Variants in C19orf81 observed in about 807,000 individuals in gnomAD.
C19orf81 encodes the protein putative uncharacterized protein C19orf81.
Under a neutral mutation model 22.1 loss-of-function variants are expected in C19orf81, and 19 were observed. The ratio of observed to expected loss-of-function variants is 0.86; its 90% CI spans 0.60 to 1.26. C19orf81 has a LOEUF of 1.26. C19orf81 is among the 50% of genes most tolerant of loss of function. C19orf81 has a pLI of 0.00. For synonymous variants in C19orf81, 108 were observed against 113.1 expected, an observed-to-expected ratio of 0.95 and a Z score of 0.29; for missense variants, 287 against 280.7, an observed-to-expected ratio of 1.02 and a Z score of -0.16.
In C19orf81 at chr19:50,658,965, G is replaced by A. The variant is rs763519826; in HGVS notation, c.420G>A (p.Thr140=). ...CTTACAGGTGGCTCATCGCGGTCACGGACTTCCAGACGCGCTCGCGCTTGC... is the reference window on the plus strand; with the variant it reads ...CTTACAGGTGGCTCATCGCGGTCACAGACTTCCAGACGCGCTCGCGCTTGC... ...GRRNRWLIAV[T]DFQTRSRLLR... is the part of the protein sequence containing the mutation. Residue 140 remains threonine, a synonymous_variant, in exon 5 of 5, where the codon ACG becomes ACA. Coordinates refer to ENST00000425202, the MANE Select transcript of C19orf81 (RefSeq NM_001195076.2). 14 of 1,498,000 alleles carry A rather than the reference G, an allele frequency of 9.3e-6. No individual in the cohort carries two copies. Among genetic ancestry groups the A allele is most frequent in the South Asian group, 2.5e-5 (2 of 80,478 alleles). 92.8% of individuals were successfully genotyped at this position (1,498,000 alleles called of 1,614,324 possible).
intron 1 of C19orf81, among the ~76,000 whole-genome samples, chr19:50,651,510 T>A (rs1351399066): frequency 1.3e-5 from 2 of 152,072 alleles, no homozygotes; most frequent in African/African-American, 4.8e-5. Context: ...CAGAGGTGTG[T>A]CTCATTCATC....
At chr19:50,650,055 A>C (rs1599826732) in intron 1 of C19orf81, among the ~76,000 whole-genome samples, 1 of 149,858 alleles carries the variant, frequency 6.7e-6, no homozygotes, top group South Asian at 2.1e-4. Context: ...CCCTCTCCTC[A>C]CCTCCTCCCT....
chr19:50,654,765 G>C (rs886437807), intron 1 of C19orf81, among the ~76,000 whole-genome samples: 1 of 152,126 alleles, frequency 6.6e-6, no homozygotes, highest in South Asian at 2.1e-4. Context: ...CAGTAGCTGG[G>C]ACTACAGGCA....
chr19:50,651,783 GTTAAT>G (rs1984883562), intron 1 of C19orf81, among the ~76,000 whole-genome samples: 1 of 151,420 alleles, frequency 6.6e-6, no homozygotes, highest in Non-Finnish European at 1.5e-5. Flanking sequence ...TTATGCTTAT[GTTAAT>G]TTAATTACAC....
chr19:50,658,958 C>T lies in C19orf81; in HGVS notation c.413C>T (p.Ala138Val). 1 of 1,489,816 alleles carries T rather than the reference C, an allele frequency of 6.7e-7. No homozygotes were observed. The highest frequency in any genetic ancestry group is 8.9e-7 in the Non-Finnish European group (1 of 1,118,642). 92.3% of individuals were successfully genotyped at this position (1,489,816 alleles called of 1,614,324 possible). A position where few individuals can be genotyped will look rare whatever the true frequency, so the allele number is the denominator to read the frequency against. Residue 138 changes from alanine to valine, a missense_variant, in exon 5 of 5, where the codon GCG becomes GTG. Transcript: ENST00000425202. ...CACCCCCCTTACAGGTGGCTCATCG[C>T]GGTCACGGACTTCCAGACGCGCTCG... ...TAGRRNRWLI[A>V]VTDFQTRSRL...
intron 3 of C19orf81, 69 bp from the exon 4 acceptor site, chr19:50,657,920 G>T (rs1985031396): frequency 1.0e-5 from 15 of 1,467,916 alleles, no homozygotes; most frequent in Non-Finnish European, 1.3e-5. Flanking sequence ...TGGGGTCTAG[G>T]GTGGTGACTT....
chr19:50,656,292 G>A lies in C19orf81; in HGVS notation c.207G>A (p.Arg69=). ...TGGACCGAGAACTCCCGTGCATCCG[G>A]AAGTTCCCCACACCACCAGCTTCCC... is the stretch of plus-strand genomic sequence containing the variant. ...EALDRELPCI[R]KFPTPPASQP... is the part of the protein sequence containing the mutation. The change falls in exon 3 of 5, where the codon CGG becomes CGA. Residue 69 remains arginine, a synonymous_variant. Transcript: ENST00000425202. 1.3e-6 allele frequency: 2 copies of A among 1,536,196 alleles called. No homozygotes were observed. The highest frequency in any genetic ancestry group is 2.7e-5 in the African/African-American group (2 of 73,176).
chr19:50,653,696 ACACAC>A (rs1984928544), intron 1 of C19orf81, among the ~76,000 whole-genome samples: 2 of 123,946 alleles, frequency 1.6e-5, no homozygotes, highest in Non-Finnish European at 3.1e-5. Flanking sequence ...ACACACACAC[ACACAC>A]ACACACACAC....
chr19:50,654,758 T>C (rs1984958084), intron 1 of C19orf81, among the ~76,000 whole-genome samples: 1 of 152,172 alleles, frequency 6.6e-6, no homozygotes, highest in African/African-American at 2.4e-5. Context: ...GCCTCCTCAG[T>C]AGCTGGGACT....
At chr19:50,653,682 GCA>G (rs57915687) in intron 1 of C19orf81, among the ~76,000 whole-genome samples, 8,297 of 121,632 alleles carry the variant, frequency 0.068, 334 homozygotes, top group Non-Finnish European at 0.088. Flanking sequence ...ATGAGAGACA[GCA>G]CACACACACA....
intron 3 of C19orf81, among the ~76,000 whole-genome samples, chr19:50,656,900 C>T (rs984658765): frequency 5.3e-5 from 8 of 149,944 alleles, no homozygotes; most frequent in African/African-American, 1.5e-4. Flanking sequence ...TGCAGTGAGC[C>T]GAGATCGTGC....
Position 50,649,632 on chromosome 19 carries a change from T to C in C19orf81, c.67+121T>C, listed in dbSNP as rs1984836460. 17 of 1,109,290 alleles carry C rather than the reference T, an allele frequency of 1.5e-5. 1 individual carries two copies. In the South Asian group the frequency reaches 2.3e-4, roughly 15 times the overall value. The allele number at this position is 1,109,290 out of a possible 1,614,324, so 68.7% of individuals were successfully genotyped here. On this transcript the variant is annotated intron_variant, in intron 1 of 4. Transcript: ENST00000425202. ...GGCACTCCAAAGTGAAAGCCATCCC[T>C]AGCATTCCTGGATTCACCAGATTCC...
At chr19:50,652,609 G>T (rs1014209637) in intron 1 of C19orf81, among the ~76,000 whole-genome samples, 4 of 152,192 alleles carry the variant, frequency 2.6e-5, no homozygotes, top group African/African-American at 9.7e-5. Flanking sequence ...GACTGCAGCA[G>T]GTGAAAAGGA....
intron 1 of C19orf81, among the ~76,000 whole-genome samples, chr19:50,650,007 C>T (rs186816835): frequency 4.6e-5 from 7 of 152,172 alleles, no homozygotes; most frequent in African/African-American, 7.2e-5. Context: ...TCTCTGTCCC[C>T]GCAGCCCTGT....
chr19:50,656,361 G>A lies in C19orf81; in HGVS notation c.261+15G>A, dbSNP rs934425304. 31 of 1,529,202 alleles carry A rather than the reference G, an allele frequency of 2.0e-5. No individual in the cohort carries two copies. The Admixed American group carries it at 6.1e-4, about 30-fold the overall frequency. The allele number at this position is 1,529,202 out of a possible 1,614,324, so 94.7% of individuals were successfully genotyped here. ...TGGAGACCTTGGTGAGTGGACCTGT[G>A]CCCTTATTTTCTGCACAGTTTTGGT... On this transcript the variant is annotated intron_variant, in intron 3 of 4. Transcript: ENST00000425202.
chr19:50,649,628 T>C, intron 1 of C19orf81, 117 bp downstream of exon 1: 1 of 1,116,692 alleles, frequency 9.0e-7, no homozygotes, highest in Non-Finnish European at 1.3e-6. Flanking sequence ...GTGAAAGCCA[T>C]CCCTAGCATT....
chr19:50,658,584 G>A (rs1360726467), intron 4 of C19orf81: 2 of 261,466 alleles, frequency 7.6e-6, no homozygotes, highest in Non-Finnish European at 1.5e-5. Flanking sequence ...GCAGCTGTGA[G>A]GGGGTGGAAG....
chr19:50,658,742 A>G (rs935469037), intron 4 of C19orf81: 6 of 435,976 alleles, frequency 1.4e-5, no homozygotes, highest in Middle Eastern at 5.1e-4. Context: ...AGTGATTAGG[A>G]CGCAGAACCA....
chr19:50,658,156 G>C, intron 4 of C19orf81, 28 bp downstream of exon 4: 1 of 1,523,014 alleles, frequency 6.6e-7, no homozygotes, highest in South Asian at 1.2e-5. Flanking sequence ...GCGGGGCCTG[G>C]AGCGAGCGGG....
Sources: allele counts gnomAD v4.1 joint callset (sites outside exome capture counted in the v4.1 genomes callset), GRCh38; gene constraint gnomAD v4.1.1; transcripts MANE v1.5; gene names NCBI Gene and HGNC (gene_info 2026-07-23, HGNC 2026-07-21).